Variants in CIT observed in about 807,000 individuals in gnomAD.
CIT encodes citron Rho-interacting kinase.
CIT carries 79 observed loss-of-function variants against 272.7 expected under a neutral mutation model. The ratio of observed to expected loss-of-function variants is 0.29; its 90% confidence interval spans 0.24 to 0.35. The LOEUF is 0.35. Among genes scored for constraint, CIT ranks in the 10% least tolerant of loss-of-function variants. The pLI is 1.00. For missense variants in CIT, 1,909 were observed against 2,618.3 expected, an observed-to-expected ratio of 0.73 and a Z score of 5.91; for synonymous variants, 948 against 995.6, an observed-to-expected ratio of 0.95 and a Z score of 0.90.
intron 9 of CIT, among the ~76,000 whole-genome samples, chr12:119,819,119 C>T (rs981012751): frequency 6.6e-6 from 1 of 152,054 alleles, no homozygotes; most frequent in Non-Finnish European, 1.5e-5. Context: ...GCTTAGGAAA[C>T]CCCCCACTGA....
intron 5 of CIT, among the ~76,000 whole-genome samples, chr12:119,849,667 A>G (rs1970066338): frequency 6.8e-6 from 1 of 147,436 alleles, no homozygotes. Flanking sequence ...CCAACTGTCA[A>G]TGAGGCTGTT....
intron 22 of CIT, among the ~76,000 whole-genome samples, chr12:119,756,781 G>A (rs558513453): frequency 1.4e-4 from 21 of 152,238 alleles, no homozygotes; most frequent in Non-Finnish European, 2.4e-4. Context: ...AAGTCAGCAG[G>A]AATGGGCTTT....
chr12:119,835,928 T>G (rs1262904088), intron 5 of CIT, among the ~76,000 whole-genome samples: 1 of 152,156 alleles, frequency 6.6e-6, no homozygotes, highest in Admixed American at 6.5e-5. Flanking sequence ...CAGCAGACAT[T>G]AAGCCAGACA....
At chr12:119,696,823 C>T (rs1046504759) in intron 46 of CIT, among the ~76,000 whole-genome samples, 2 of 152,012 alleles carry the variant, frequency 1.3e-5, no homozygotes, top group African/African-American at 4.8e-5. Flanking sequence ...CACCGCACCA[C>T]CTCCCCTCCT....
chr12:119,726,687 T>C (rs893023687), intron 28 of CIT, among the ~76,000 whole-genome samples: 1 of 152,134 alleles, frequency 6.6e-6, no homozygotes, highest in Non-Finnish European at 1.5e-5. Context: ...TCACTAAGGG[T>C]TAAACAGAAT....
In CIT at chr12:119,686,136, T is replaced by C. The variant is rs1243172827; in HGVS notation, c.*2096A>G. The C allele has an allele frequency of 6.7e-6, 1 of 149,818 alleles. No individual in the cohort carries two copies. Among genetic ancestry groups the C allele is most frequent in the East Asian group, 1.9e-4 (1 of 5,154 alleles). 9.3% of individuals were successfully genotyped at this position (149,818 alleles called of 1,614,324 possible). A position where few individuals can be genotyped will look rare whatever the true frequency, so the allele number is the denominator to read the frequency against. On this transcript the variant is annotated 3_prime_UTR_variant, in exon 48 of 48. Coordinates refer to ENST00000392521, the MANE Select transcript of CIT (RefSeq NM_001206999.2). ...AGTAGAAACCAATTCAATTTCCTCT[T>C]TTTTTTTTTACGAATATAAAGTTTC... is the stretch of plus-strand genomic sequence containing the variant.
At chr12:119,749,725 A>T (rs1335325613) in intron 23 of CIT, among the ~76,000 whole-genome samples, 1 of 147,508 alleles carries the variant, frequency 6.8e-6, no homozygotes, top group Non-Finnish European at 1.5e-5. Flanking sequence ...TTGTTTCCTT[A>T]TTTTTTTTTT....
rs888027431 is a variant in CIT, at chr12:119,768,560, C to T, written c.2209-1378G>A. 6.6e-6 allele frequency among the ~76,000 whole-genome samples: 1 copy of T among 152,118 alleles called. No individual in the cohort carries two copies. Among genetic ancestry groups the T allele is most frequent in the African/African-American group, 2.4e-5 (1 of 41,406 alleles). ...CACACTTAAAATGTTAGTGATTAAG[C>T]TTTTGATATTCTAAAGTCTCCAAGC... is the stretch of plus-strand genomic sequence containing the variant. On this transcript the variant is annotated intron_variant, in intron 18 of 47. Transcript: ENST00000392521. This position sits in a 1 kb window ranked among gnomAD's most constrained non-coding sequence, Gnocchi z 4.3.
chr12:119,769,818 G>A (rs1962892570), intron 18 of CIT, among the ~76,000 whole-genome samples: 1 of 152,156 alleles, frequency 6.6e-6, no homozygotes, highest in Admixed American at 6.5e-5. Flanking sequence ...AAACAGAAAT[G>A]TAAAGTTGTA....
chr12:119,718,286 G>A lies in CIT; in HGVS notation c.4127C>T (p.Ala1376Val). ...EHQPSAMSLL[A>V]PPSSRRKESS... ...CTCCTTTCTGCGGCTGGATGGCGGG[G>A]CCAGCAGGCTCATGGCACTGGGCTG... Residue 1376 changes from alanine (A) to valine (V), a missense_variant, in exon 32 of 48, where the codon GCC becomes GTC. By Grantham distance (64) the Ala-to-Val change is moderately conservative. Transcript: ENST00000392521. The surrounding 1 kb of genome is among the most constrained non-coding windows in gnomAD (Gnocchi z 4.8). 6.2e-7 allele frequency: 1 copy of A among 1,613,896 alleles called. No homozygotes were observed. The highest frequency in any genetic ancestry group is 8.5e-7 in the Non-Finnish European group (1 of 1,179,874).
chr12:119,704,200 G>A (rs1956748042), intron 41 of CIT, among the ~76,000 whole-genome samples, 163 bp downstream of exon 41: 1 of 152,194 alleles, frequency 6.6e-6, no homozygotes, highest in Admixed American at 6.5e-5. Flanking sequence ...CTCCACAAAG[G>A]AAGGATCTCG....
intron 2 of CIT, 89 bp downstream of exon 2, chr12:119,875,982 TAA>T: frequency 2.4e-6 from 2 of 817,530 alleles, no homozygotes; most frequent in Non-Finnish European, 4.0e-6. Context: ...AGACTCTAAA[TAA>T]ATAAACAAAT....
Position 119,783,648 on chromosome 12 carries a change from G to A in CIT, c.1545+260C>T, listed in dbSNP as rs2240309. 0.45 allele frequency: 141,414 copies of A among 315,948 alleles called. 32,783 individuals are homozygous for A. Among genetic ancestry groups the A allele is most frequent in the Admixed American group, 0.56 (12,199 of 21,864 alleles). The allele number at this position is 315,948 out of a possible 1,614,324, so 19.6% of individuals were successfully genotyped here. Reference sequence around the variant, plus strand: ...TCTTTTGCAACTTGCGGCAAAGATGGATTACTCCCATCTCCAGACTCCATG... The same window carrying A: ...TCTTTTGCAACTTGCGGCAAAGATGAATTACTCCCATCTCCAGACTCCATG... On this transcript the variant is annotated intron_variant, in intron 12 of 47. Coordinates refer to ENST00000392521, the MANE Select transcript of CIT (RefSeq NM_001206999.2).
rs1165218816 is a variant in CIT at position 119,694,475 on chromosome 12, A to C, written c.5882+3184T>G. ...CAATCGCCAAGACACATCAAGGTACAGGAGAGTATGCAGAATATGCTGCCA... is the reference window on the plus strand; with the variant it reads ...CAATCGCCAAGACACATCAAGGTACCGGAGAGTATGCAGAATATGCTGCCA... On this transcript the variant is annotated intron_variant, in intron 46 of 47. Coordinates refer to ENST00000392521, the MANE Select transcript of CIT (RefSeq NM_001206999.2). The surrounding 1 kb of genome is among the most constrained non-coding windows in gnomAD (Gnocchi z 4.5). Among the ~76,000 whole-genome samples, 2 of 152,180 alleles carry C rather than the reference A, an allele frequency of 1.3e-5. No individual in the cohort carries two copies. Among genetic ancestry groups the C allele is most frequent in the African/African-American group, 2.4e-5 (1 of 41,440 alleles).
At chr12:119,862,805 ACC>A (rs1375513238) in intron 3 of CIT, among the ~76,000 whole-genome samples, 7 of 88,506 alleles carry the variant, frequency 7.9e-5, no homozygotes, top group South Asian at 4.8e-4. Flanking sequence ...GCAAGACTCT[ACC>A]TAAAAAAAAA....
intron 44 of CIT, among the ~76,000 whole-genome samples, chr12:119,699,128 C>T (rs112433817): frequency 0.027 from 4,037 of 151,838 alleles, 168 homozygotes; most frequent in African/African-American, 0.091. Context: ...TGGTGACAGG[C>T]GCCTGTAATC....
rs569710467 is a variant in CIT at position 119,694,199 on chromosome 12, G to C, written c.5882+3460C>G. ...GCAGAAAACTCCACACTGTCCATCA[G>C]ATTTACAAATCCACATCAGCCATCA... is the stretch of plus-strand genomic sequence containing the variant. On this transcript the variant is annotated intron_variant, in intron 46 of 47. Transcript: ENST00000392521. This position sits in a 1 kb window ranked among gnomAD's most constrained non-coding sequence, Gnocchi z 4.5. 6.6e-6 allele frequency among the ~76,000 whole-genome samples: 1 copy of C among 152,236 alleles called. No individual in the cohort carries two copies. Among genetic ancestry groups the C allele is most frequent in the African/African-American group, 2.4e-5 (1 of 41,544 alleles).
rs1955859327 is a variant in CIT, at chr12:119,690,218, A to G, written c.6119T>C (p.Phe2040Ser). The change falls in exon 47 of 48, where the codon TTT becomes TCT. Residue 2040 changes from phenylalanine (F) to serine (S), a missense_variant. Physicochemically the swap from Phe to Ser is radical, Grantham distance 155. Coordinates refer to ENST00000392521, the MANE Select transcript of CIT (RefSeq NM_001206999.2). The surrounding 1 kb of genome is among the most constrained non-coding windows in gnomAD (Gnocchi z 6.0). ...CAGCCGGCCCCTGCTGCTGTCTTCA[A>G]ACAGCCTCCCGGGGGACCGCTCTCT... ...TRRERSPGRL[F>S]EDSSRGRLPA... 2.0e-6 allele frequency: 3 copies of G among 1,520,442 alleles called. No individual in the cohort carries two copies. In the African/African-American group the frequency reaches 4.3e-5, roughly 22 times the overall value. 94.2% of individuals were successfully genotyped at this position (1,520,442 alleles called of 1,614,324 possible).
At chr12:119,742,866 G>GACACACACACACAC (rs56003708) in intron 23 of CIT, 3 of 151,806 alleles carry the variant, frequency 2.0e-5, no homozygotes, top group African/African-American at 7.4e-5. Context: ...CCTACTCCCT[G>GACACACACACACAC]ACACACACAC....
Sources: allele counts gnomAD v4.1 joint callset (sites outside exome capture counted in the v4.1 genomes callset), GRCh38; gene constraint gnomAD v4.1.1; non-coding constraint Gnocchi (gnomAD v3.1); transcripts MANE v1.5; gene names NCBI Gene and HGNC (gene_info 2026-07-23, HGNC 2026-07-21).